Variants in CPQ observed in about 807,000 individuals in gnomAD.
The protein encoded by CPQ is Ser-Met dipeptidase.
Under a neutral mutation model 45.7 loss-of-function variants are expected in CPQ, and 37 were observed. The ratio of observed to expected loss-of-function variants is 0.81; its 90% CI spans 0.62 to 1.07. The LOEUF is 1.07. Among genes scored for constraint, CPQ ranks in the 50% least tolerant of loss-of-function variants. The probability of loss-of-function intolerance (pLI) is 0.00; values close to 1 mark genes in which losing one functional copy is unlikely to be tolerated. For synonymous variants in CPQ, 186 were observed against 205.8 expected (o/e 0.90, Z 0.82); for missense variants, 537 against 572.9 (o/e 0.94, Z 0.64).
In CPQ at chr8:96,860,577, G is replaced by T. The variant is rs563548290; in HGVS notation, c.642-19221G>T. Among the ~76,000 whole-genome samples the T allele has an allele frequency of 1.6e-4, 24 of 152,186 alleles. 1 individual carries two copies. The highest frequency in any genetic ancestry group is 4.1e-4 in the South Asian group (2 of 4,828). ...GCTTTTTCTAAGTAGGCATTGATTG[G>T]CATTGAGCAGTGGGAAAGATTGGAG... On this transcript the variant is annotated intron_variant, in intron 3 of 7. Transcript: ENST00000220763.
chr8:96,966,200 A>T, intron 5 of CPQ, 154 bp downstream of exon 5: 1 of 538,268 alleles, frequency 1.9e-6, no homozygotes, highest in Non-Finnish European at 3.2e-6. Context: ...TTATGCTCTT[A>T]AAGAAATTTT....
In CPQ at chr8:96,995,244, TAAAAATTTA is replaced by T. The variant is rs568001028; in HGVS notation, c.961+29199_961+29207del. Among the ~76,000 whole-genome samples, 86 of 152,140 alleles carry T rather than the reference TAAAAATTTA, an allele frequency of 5.7e-4. No individual in the cohort carries two copies. The South Asian group carries it at 0.017, about 30-fold the overall frequency. On this transcript the variant is annotated intron_variant, in intron 5 of 7. Coordinates refer to ENST00000220763, the MANE Select transcript of CPQ (RefSeq NM_016134.4). ...AGATTGTTGTGAAAATTAAATGAGA[TAAAAATTTA>T]TAAAGTTTATAAGAGGGCCTAAAAT...
chr8:96,852,168 A>G (rs530291995), intron 3 of CPQ, among the ~76,000 whole-genome samples: 4 of 152,338 alleles, frequency 2.6e-5, no homozygotes, highest in Non-Finnish European at 4.4e-5. Context: ...AGACTTGGTT[A>G]ATGAAATCAC....
intron 4 of CPQ, among the ~76,000 whole-genome samples, chr8:96,938,237 T>C (rs1813079503): frequency 6.6e-6 from 1 of 152,130 alleles, no homozygotes; most frequent in African/African-American, 2.4e-5. Context: ...TACATTCAAA[T>C]TAGAATAATT....
intron 5 of CPQ, among the ~76,000 whole-genome samples, chr8:96,997,328 AT>A (rs1342254104): frequency 6.6e-6 from 1 of 151,948 alleles, no homozygotes; most frequent in Non-Finnish European, 1.5e-5. Flanking sequence ...TCTCCAAAGG[AT>A]TCAAGTCCTA....
chr8:96,763,040 T>A (rs1460558765), intron 1 of CPQ, among the ~76,000 whole-genome samples: 2 of 152,266 alleles, frequency 1.3e-5, no homozygotes, highest in Non-Finnish European at 2.9e-5. Flanking sequence ...TCTTCTTGCC[T>A]TATAGATGGC....
intron 1 of CPQ, among the ~76,000 whole-genome samples, chr8:96,742,638 ACTTC>A (rs1449368787): frequency 1.3e-5 from 2 of 151,008 alleles, no homozygotes; most frequent in Non-Finnish European, 3.0e-5. Flanking sequence ...CATATTTAGC[ACTTC>A]CTTCAGGAGC....
intron 7 of CPQ, among the ~76,000 whole-genome samples, chr8:97,117,691 C>G (rs931441510): frequency 2.6e-5 from 4 of 152,084 alleles, no homozygotes; most frequent in Admixed American, 2.0e-4. Context: ...TGCCATCACA[C>G]CTGGCTAATT....
chr8:97,036,324 G>T (rs768473236), intron 6 of CPQ, among the ~76,000 whole-genome samples: 1 of 152,096 alleles, frequency 6.6e-6, no homozygotes, highest in Non-Finnish European at 1.5e-5. Context: ...GAAAAGTCCA[G>T]AAAATGCCTT....
intron 1 of CPQ, among the ~76,000 whole-genome samples, chr8:96,659,611 C>T (rs1815675946): frequency 6.6e-6 from 1 of 152,174 alleles, no homozygotes; most frequent in African/African-American, 2.4e-5. Context: ...TTTCCATTAT[C>T]TGGTTTTCAC....
intron 3 of CPQ, among the ~76,000 whole-genome samples, 162 bp downstream of exon 3, chr8:96,835,342 G>GTA (rs1372797372): frequency 9.2e-5 from 14 of 152,178 alleles, no homozygotes; most frequent in Admixed American, 7.9e-4. Context: ...TCATTTGTTT[G>GTA]TAATATCTTC....
intron 5 of CPQ, among the ~76,000 whole-genome samples, chr8:97,001,766 A>C (rs1159100013): frequency 2.3e-5 from 1 of 42,896 alleles, no homozygotes; most frequent in Non-Finnish European, 4.8e-5. Context: ...AGGCTTTGTT[A>C]TCAGGATAAC....
intron 1 of CPQ, among the ~76,000 whole-genome samples, chr8:96,774,047 G>C (rs763121454): frequency 2.6e-5 from 4 of 152,246 alleles, no homozygotes; most frequent in Non-Finnish European, 5.9e-5. Context: ...GAGGTGGGCA[G>C]ATCACCTGAG....
In CPQ at chr8:96,725,633, T is replaced by A. The variant is rs545763018; in HGVS notation, c.-34-59231T>A. ...AAAGGGAATGCTTATATGCTGGTGGTGGAAATGTAAATTGGTTCAGCCACT... is the reference window on the plus strand; with the variant it reads ...AAAGGGAATGCTTATATGCTGGTGGAGGAAATGTAAATTGGTTCAGCCACT... On this transcript the variant is annotated intron_variant, in intron 1 of 7. Transcript: ENST00000220763. Among the ~76,000 whole-genome samples the A allele has an allele frequency of 6.9e-4, 105 of 152,288 alleles. 1 individual carries two copies. Among genetic ancestry groups the A allele is most frequent in the Non-Finnish European group, 1.4e-3 (96 of 68,028 alleles).
intron 2 of CPQ, among the ~76,000 whole-genome samples, chr8:96,813,569 G>A (rs1209247472): frequency 6.6e-6 from 1 of 152,120 alleles, no homozygotes; most frequent in Non-Finnish European, 1.5e-5. Context: ...ATTAAATGGG[G>A]AACTCAGGAT....
chr8:96,702,981 G>A (rs547506571), intron 1 of CPQ, among the ~76,000 whole-genome samples: 2 of 152,216 alleles, frequency 1.3e-5, no homozygotes, highest in East Asian at 3.9e-4. Flanking sequence ...CCTTCATTCA[G>A]GCTTTAGTTG....
At chr8:96,658,873 A>G (rs992707317) in intron 1 of CPQ, among the ~76,000 whole-genome samples, 2 of 152,224 alleles carry the variant, frequency 1.3e-5, no homozygotes, top group Non-Finnish European at 2.9e-5. Context: ...AGCTTCCAGA[A>G]AGGGATGCAG....
intron 3 of CPQ, among the ~76,000 whole-genome samples, chr8:96,847,905 T>C (rs1586424826): frequency 6.7e-6 from 1 of 150,026 alleles, no homozygotes; most frequent in Non-Finnish European, 1.5e-5. Context: ...TTTTTTTTTT[T>C]TTTTTTTTGC....
At chr8:96,956,218 T>C (rs939142716) in intron 4 of CPQ, among the ~76,000 whole-genome samples, 3 of 152,334 alleles carry the variant, frequency 2.0e-5, no homozygotes, top group Admixed American at 2.0e-4. Context: ...AGCTAATTTT[T>C]ATTTGTTCTC....
Sources: allele counts gnomAD v4.1 joint callset (sites outside exome capture counted in the v4.1 genomes callset), GRCh38; gene constraint gnomAD v4.1.1; transcripts MANE v1.5; gene names NCBI Gene and HGNC (gene_info 2026-07-23, HGNC 2026-07-21).